The following RFC3 variants were observed in gnomAD, a reference collection of about 807,000 sequenced individuals.
The protein encoded by RFC3 is replication factor C subunit 3, also known as A1 38 kDa subunit.
A neutral mutation model predicts 45.1 loss-of-function variants in RFC3; 41 were observed. The observed-to-expected ratio is 0.91, with a 90% CI of 0.71 to 1.18. The LOEUF (loss-of-function observed/expected upper bound fraction) is 1.18, where lower values mean the gene tolerates loss of function less well. Ranked by LOEUF, RFC3 falls within the 50% of genes most tolerant of loss-of-function variation. The pLI is 0.00. For missense variants in RFC3, 423 were observed against 428.1 expected, an observed-to-expected ratio of 0.99 and a Z score of 0.10; for synonymous variants, 149 against 144.0, an observed-to-expected ratio of 1.03 and a Z score of -0.25.
At chr13:33,890,698 T>G (rs769545834) in intron 8 of RFC3, among the ~76,000 whole-genome samples, 1 of 152,172 alleles carries the variant, frequency 6.6e-6, no homozygotes, top group Non-Finnish European at 1.5e-5. Flanking sequence ...TACAAACTCT[T>G]AAGATAGGTA....
chr13:33,873,033 A>G (rs931044666), intron 8 of RFC3, among the ~76,000 whole-genome samples: 1 of 152,172 alleles, frequency 6.6e-6, no homozygotes, highest in East Asian at 1.9e-4. Flanking sequence ...TTTGTTTAGG[A>G]GACAAAATTG....
intron 8 of RFC3, among the ~76,000 whole-genome samples, chr13:33,948,335 T>C (rs1384875554): frequency 1.3e-5 from 2 of 152,192 alleles, no homozygotes; most frequent in Non-Finnish European, 2.9e-5. Flanking sequence ...AAGTCAAGAA[T>C]TGAGGCTGGA....
intron 8 of RFC3, among the ~76,000 whole-genome samples, chr13:33,887,001 A>G (rs1260020207): frequency 1.4e-5 from 2 of 147,840 alleles, no homozygotes; most frequent in Non-Finnish European, 1.5e-5. Context: ...TCCATGGTGT[A>G]TATGTGCCAC....
intron 8 of RFC3, among the ~76,000 whole-genome samples, chr13:33,950,961 C>G (rs1439603736): frequency 6.6e-6 from 1 of 151,838 alleles, no homozygotes; most frequent in Non-Finnish European, 1.5e-5. Flanking sequence ...TTCTTCCTCT[C>G]CATGCCATAC....
At chr13:33,865,825 G>A (rs1053974537) in intron 8 of RFC3, among the ~76,000 whole-genome samples, 28 of 152,148 alleles carry the variant, frequency 1.8e-4, no homozygotes, top group East Asian at 3.9e-4. Flanking sequence ...AGGCTGAGGC[G>A]GGTGGATCAC....
At chr13:33,912,067 C>T (rs915952878) in intron 8 of RFC3, among the ~76,000 whole-genome samples, 1 of 151,990 alleles carries the variant, frequency 6.6e-6, no homozygotes, top group Non-Finnish European at 1.5e-5. Context: ...TACTTTTGCA[C>T]CAACCTAATA....
chr13:33,922,783 A>G (rs1006614358), intron 8 of RFC3, among the ~76,000 whole-genome samples: 2 of 152,142 alleles, frequency 1.3e-5, no homozygotes, highest in Non-Finnish European at 2.9e-5. Flanking sequence ...CAGAGTTCAA[A>G]CCCAATTCAG....
At chr13:33,974,437 A>G in the RFC3 span, among the ~76,000 whole-genome samples, 1 of 152,248 alleles carries the variant, frequency 6.6e-6, no homozygotes, top group South Asian at 2.1e-4. Context: ...CTCTGCTGCT[A>G]AACAACTCTA....
chr13:33,955,767 C>A (rs2083018208), intron 8 of RFC3, among the ~76,000 whole-genome samples: 1 of 152,178 alleles, frequency 6.6e-6, no homozygotes, highest in Non-Finnish European at 1.5e-5. Flanking sequence ...CAAATAACTT[C>A]ATGATGCTGG....
intron 8 of RFC3, among the ~76,000 whole-genome samples, chr13:33,939,003 TATA>T (rs1189876466): frequency 6.6e-6 from 1 of 152,154 alleles, no homozygotes; most frequent in Non-Finnish European, 1.5e-5. Context: ...ATATGCTAAT[TATA>T]ATGATGATTA....
intron 7 of RFC3, among the ~76,000 whole-genome samples, chr13:33,832,897 A>G (rs3135618): frequency 0.06 from 9,210 of 152,234 alleles, 573 homozygotes; most frequent in East Asian, 0.16. Flanking sequence ...GATAATTATC[A>G]CGTGCTTTTA....
chr13:33,896,740 A>C (rs959406841), intron 8 of RFC3, among the ~76,000 whole-genome samples: 3 of 149,252 alleles, frequency 2.0e-5, no homozygotes, highest in Admixed American at 2.0e-4. Context: ...AAAAAAAAAA[A>C]AAAGCAAGTA....
downstream of RFC3, among the ~76,000 whole-genome samples, chr13:33,840,717 T>A (rs2082192138): frequency 1.3e-5 from 2 of 151,610 alleles, no homozygotes; most frequent in Admixed American, 1.3e-4. Flanking sequence ...AACAAAAAAT[T>A]TTTTTGAGAC....
At chr13:33,911,882 T>C (rs1435865334) in intron 8 of RFC3, among the ~76,000 whole-genome samples, 1 of 152,092 alleles carries the variant, frequency 6.6e-6, no homozygotes, top group Non-Finnish European at 1.5e-5. Context: ...ACATGAGCTT[T>C]GGTGCGGACG....
intron 8 of RFC3, among the ~76,000 whole-genome samples, chr13:33,915,435 A>G (rs2082726915): frequency 6.6e-6 from 1 of 152,194 alleles, no homozygotes; most frequent in Admixed American, 6.5e-5. Flanking sequence ...ATTTAATCTG[A>G]AAACATGCTT....
At position 33,870,676 on chromosome 13, in the gene RFC3, G is replaced by A. The variant is rs550530231; in HGVS notation, c.879+35459G>A. Among the ~76,000 whole-genome samples, 8 of 152,274 alleles carry A rather than the reference G, an allele frequency of 5.3e-5. 1 individual carries two copies. Among genetic ancestry groups the A allele is most frequent in the Admixed American group, 5.2e-4 (8 of 15,300 alleles). Reference sequence around the variant, plus strand: ...GTGCAATGGAACAGCCGGCCCATATGTCTGGCTAGAACTAAGGTCTTTCTC... The same window carrying A: ...GTGCAATGGAACAGCCGGCCCATATATCTGGCTAGAACTAAGGTCTTTCTC... On this transcript the variant is annotated intron_variant, in intron 8 of 8. Transcript: ENST00000434425.
chr13:33,903,722 T>C (rs914272065), intron 8 of RFC3, among the ~76,000 whole-genome samples: 2 of 152,092 alleles, frequency 1.3e-5, no homozygotes, highest in Non-Finnish European at 2.9e-5. Flanking sequence ...GGAGCCTTAT[T>C]AGTTAGGTTT....
At chr13:33,828,850 A>C (rs3135591) in intron 4 of RFC3, among the ~76,000 whole-genome samples, 237 of 152,266 alleles carry the variant, frequency 1.6e-3, no homozygotes, top group African/African-American at 5.3e-3. Context: ...TGCTGCTTTC[A>C]AATTGGCCGC....
chr13:33,884,144 C>T (rs1241460169), intron 8 of RFC3, among the ~76,000 whole-genome samples: 1 of 152,182 alleles, frequency 6.6e-6, no homozygotes, highest in Non-Finnish European at 1.5e-5. Flanking sequence ...ACGTGGAAAC[C>T]TGACATTCCA....
Sources: allele counts gnomAD v4.1 joint callset (sites outside exome capture counted in the v4.1 genomes callset), GRCh38; gene constraint gnomAD v4.1.1; transcripts MANE v1.5; gene names NCBI Gene and HGNC (gene_info 2026-07-23, HGNC 2026-07-21).